The following CCDC146 variants were observed in gnomAD, a reference collection of about 807,000 sequenced individuals.
CCDC146 encodes coiled-coil domain containing 146, also known as coiled-coil domain-containing protein 146.
CCDC146 carries 92 observed loss-of-function variants against 119.3 expected under a neutral mutation model. The ratio of observed to expected loss-of-function variants is 0.77; its 90% CI spans 0.65 to 0.92. CCDC146 has a LOEUF of 0.92. Among genes scored for constraint, CCDC146 ranks in the 40% least tolerant of loss-of-function variants. CCDC146 has a pLI of 0.00. For synonymous variants in CCDC146, 372 were observed against 371.8 expected, an observed-to-expected ratio of 1.00 and a Z score of -0.01; for missense variants, 1,000 against 1,103.0, an observed-to-expected ratio of 0.91 and a Z score of 1.32.
chr7:77,230,889 GC>G (rs1240250101), intron 2 of CCDC146, among the ~76,000 whole-genome samples: 3 of 152,056 alleles, frequency 2.0e-5, no homozygotes, highest in Non-Finnish European at 4.4e-5. Context: ...GTGTCTTCAT[GC>G]TTTTTCTCTC....
At chr7:77,197,085 A>G (rs887343884) in intron 2 of CCDC146, 4 of 727,016 alleles carry the variant, frequency 5.5e-6, no homozygotes, top group African/African-American at 5.3e-5. Context: ...AATTGAATCA[A>G]TGGCAGTAAT....
chr7:77,178,525 C>T (rs1791534101), intron 2 of CCDC146, among the ~76,000 whole-genome samples: 1 of 152,154 alleles, frequency 6.6e-6, no homozygotes, highest in South Asian at 2.1e-4. Flanking sequence ...ATTTGCCTCT[C>T]TTCTCCTTTA....
At chr7:77,201,940 A>G (rs1791999601) in intron 2 of CCDC146, among the ~76,000 whole-genome samples, 1 of 152,340 alleles carries the variant, frequency 6.6e-6, no homozygotes. Flanking sequence ...TTTGTAAAGT[A>G]GAAATATATA....
chr7:77,225,038 G>A (rs1017383114), intron 2 of CCDC146, among the ~76,000 whole-genome samples: 1 of 152,182 alleles, frequency 6.6e-6, no homozygotes, highest in Non-Finnish European at 1.5e-5. Context: ...GATGGATTTT[G>A]TCTTGTTTGT....
At chr7:77,160,744 A>G (rs1672499285) in intron 1 of CCDC146, among the ~76,000 whole-genome samples, 1 of 152,132 alleles carries the variant, frequency 6.6e-6, no homozygotes, top group African/African-American at 2.4e-5. Context: ...CTCTTTTCCT[A>G]ATTGAATACC....
At chr7:77,130,832 C>T (rs1256062734) in intron 1 of CCDC146, among the ~76,000 whole-genome samples, 2 of 150,462 alleles carry the variant, frequency 1.3e-5, no homozygotes, top group Admixed American at 6.6e-5. Flanking sequence ...CTCCTGACCT[C>T]GTGATCCGCC....
At chr7:77,266,991 ATTT>A (rs71085446) in intron 9 of CCDC146, among the ~76,000 whole-genome samples, 5,242 of 136,374 alleles carry the variant, frequency 0.038, 276 homozygotes, top group African/African-American at 0.13. Flanking sequence ...ATGCAAAGGA[ATTT>A]TTTTTTTTTT....
chr7:77,195,362 C>T (rs923191235), intron 2 of CCDC146: 5 of 152,104 alleles, frequency 3.3e-5, no homozygotes, highest in South Asian at 4.1e-4. Flanking sequence ...TTTCTGAATG[C>T]TTTTTGGGGT....
chr7:77,176,338 T>C (rs191657523), intron 2 of CCDC146, among the ~76,000 whole-genome samples: 22 of 151,258 alleles, frequency 1.5e-4, no homozygotes, highest in Admixed American at 5.9e-4. Context: ...CACAGTGGCA[T>C]TGGCAATGAG....
At chr7:77,176,977 C>T (rs191570018) in intron 2 of CCDC146, among the ~76,000 whole-genome samples, 6 of 151,936 alleles carry the variant, frequency 3.9e-5, no homozygotes, top group African/African-American at 7.3e-5. Flanking sequence ...CTGGGACCAC[C>T]GACACATAAC....
chr7:77,228,450 G>A (rs998781848), intron 2 of CCDC146, among the ~76,000 whole-genome samples: 8 of 152,078 alleles, frequency 5.3e-5, no homozygotes, highest in Non-Finnish European at 1.0e-4. Context: ...AAGGATAATG[G>A]CCTCCAGCTC....
chr7:77,278,530 C>G (rs1158784370), intron 11 of CCDC146, among the ~76,000 whole-genome samples: 1 of 148,064 alleles, frequency 6.8e-6, no homozygotes, highest in Non-Finnish European at 1.5e-5. Context: ...ACTGCAGCCT[C>G]GAATTCTTGG....
intron 2 of CCDC146, among the ~76,000 whole-genome samples, chr7:77,188,900 G>C (rs1791713746): frequency 6.6e-6 from 1 of 152,136 alleles, no homozygotes; most frequent in Non-Finnish European, 1.5e-5. Context: ...TTACAGGGTG[G>C]ATGGGTGGGA....
At chr7:77,161,649 AG>A (rs994068423) in intron 1 of CCDC146, among the ~76,000 whole-genome samples, 6 of 79,330 alleles carry the variant, frequency 7.6e-5, no homozygotes, top group African/African-American at 3.1e-4. Flanking sequence ...GGGTGGGGGG[AG>A]GGGGGAGGGA....
chr7:77,141,397 A>G (rs1790931462), intron 1 of CCDC146, among the ~76,000 whole-genome samples: 1 of 152,172 alleles, frequency 6.6e-6, no homozygotes, highest in Admixed American at 6.5e-5. Flanking sequence ...CTGTGTCTTC[A>G]TAGTAGAATG....
At chr7:77,202,481 TA>T (rs1280061625) in intron 2 of CCDC146, among the ~76,000 whole-genome samples, 5 of 152,236 alleles carry the variant, frequency 3.3e-5, no homozygotes, top group African/African-American at 1.2e-4. Flanking sequence ...CAGTTTCCCC[TA>T]AAAAGCTTGG....
At chr7:77,134,971 A>T (rs1790841011) in intron 1 of CCDC146, among the ~76,000 whole-genome samples, 1 of 152,194 alleles carries the variant, frequency 6.6e-6, no homozygotes, top group Non-Finnish European at 1.5e-5. Flanking sequence ...CATATTTGTT[A>T]TTGTTTGTTT....
chr7:77,268,724 T>G (rs1481565567), intron 9 of CCDC146, among the ~76,000 whole-genome samples: 1 of 152,214 alleles, frequency 6.6e-6, no homozygotes, highest in Non-Finnish European at 1.5e-5. Context: ...AAAAAATATT[T>G]TACCCTCACA....
chr7:77,287,710 G>C, intron 17 of CCDC146, 133 bp downstream of exon 17: 1 of 904,394 alleles, frequency 1.1e-6, no homozygotes, highest in East Asian at 2.7e-5. Flanking sequence ...TTAGAAAAAC[G>C]AAAGGATGAC....
Sources: gnomAD v4.1 joint callset for allele counts (sites outside exome capture counted in the v4.1 genomes callset) on GRCh38, gnomAD v4.1.1 for gene constraint, MANE v1.5 for transcripts, NCBI Gene and HGNC (gene_info 2026-07-23, HGNC 2026-07-21) for gene names.